Variants in YY1 observed in about 807,000 individuals in gnomAD.
The protein encoded by YY1 is transcriptional repressor protein YY1.
A neutral mutation model predicts 35.6 loss-of-function variants in YY1; 2 were observed. The ratio of observed to expected loss-of-function variants is 0.06; its 90% CI spans 0.02 to 0.18. YY1 has a LOEUF of 0.18. YY1 is among the 10% of genes least tolerant of loss of function. The probability of loss-of-function intolerance (pLI) is 1.00; values close to 1 mark genes in which losing one functional copy is unlikely to be tolerated. For missense variants in YY1, 322 were observed against 573.4 expected (o/e 0.56, Z 4.48); for synonymous variants, 268 against 238.9 (o/e 1.12, Z -1.12).
chr14:100,243,872 G>A (rs971543851), intron 1 of YY1, among the ~76,000 whole-genome samples: 1 of 151,944 alleles, frequency 6.6e-6, no homozygotes, highest in Non-Finnish European at 1.5e-5. Context: ...TTGGGAGGCC[G>A]AGGCGGGTGG....
intron 1 of YY1, among the ~76,000 whole-genome samples, chr14:100,260,424 A>AATATATAT (rs59427565): frequency 1.3e-4 from 19 of 141,310 alleles, no homozygotes; most frequent in African/African-American, 3.2e-4. Context: ...TGAATATATG[A>AATATATAT]ATATATATAT....
intron 2 of YY1, among the ~76,000 whole-genome samples, chr14:100,272,011 G>A (rs1004347658): frequency 6.6e-6 from 1 of 152,046 alleles, no homozygotes; most frequent in Non-Finnish European, 1.5e-5. Context: ...GAGAAAGGAC[G>A]AATATCTACA....
At chr14:100,270,382 A>G (rs8009371) in intron 2 of YY1, among the ~76,000 whole-genome samples, 97,867 of 148,396 alleles carry the variant, frequency 0.66, 32,766 homozygotes, top group South Asian at 0.81. Flanking sequence ...AGGCCGAGGT[A>G]GGTGGATCAC....
At position 100,276,360 on chromosome 14, in the gene YY1, A is replaced by ACCGTAATGTT; in HGVS notation, c.904-129_904-128insCGTAATGTTC. ...AATGATATTAATGTTCTACCGTAATACTAAGTAAAATTAAAATGGGGGGTT... is the reference window on the plus strand; with the variant it reads ...AATGATATTAATGTTCTACCGTAATACCGTAATGTTCTAAGTAAAATTAAAATGGGGGGTT... On this transcript the variant is annotated intron_variant, in intron 3 of 4. Coordinates refer to ENST00000262238, the MANE Select transcript of YY1 (RefSeq NM_003403.5). The surrounding 1 kb of genome is among the most constrained non-coding windows in gnomAD (Gnocchi z 4.1). 8.0e-7 allele frequency: 1 copy of ACCGTAATGTT among 1,251,572 alleles called. No homozygotes were observed. The highest frequency in any genetic ancestry group is 1.3e-5 in the South Asian group (1 of 79,440). 77.5% of individuals were successfully genotyped at this position (1,251,572 alleles called of 1,614,324 possible). A position where few individuals can be genotyped will look rare whatever the true frequency, so the allele number is the denominator to read the frequency against.
In YY1 at chr14:100,276,888, A is replaced by G. The variant is rs992910827; in HGVS notation, c.1062+240A>G. On this transcript the variant is annotated intron_variant, in intron 4 of 4. Coordinates refer to ENST00000262238, the MANE Select transcript of YY1 (RefSeq NM_003403.5). This position sits in a 1 kb window ranked among gnomAD's most constrained non-coding sequence, Gnocchi z 4.1. ...TATTGGTGTTGATGGAGTACACTTTATGGCAGGAGGAGAACAGGATTGAAG... is the reference window on the plus strand; with the variant it reads ...TATTGGTGTTGATGGAGTACACTTTGTGGCAGGAGGAGAACAGGATTGAAG... 1.4e-5 allele frequency: 8 copies of G among 566,008 alleles called. No individual in the cohort carries two copies. Among genetic ancestry groups the G allele is most frequent in the African/African-American group, 9.4e-5 (5 of 53,158 alleles). The allele number at this position is 566,008 out of a possible 1,614,324, so 35.1% of individuals were successfully genotyped here. A position where few individuals can be genotyped will look rare whatever the true frequency, so the allele number is the denominator to read the frequency against.
intron 1 of YY1, among the ~76,000 whole-genome samples, chr14:100,242,371 G>GT (rs1566767626): frequency 3.9e-5 from 2 of 51,466 alleles, no homozygotes; most frequent in Non-Finnish European, 7.7e-5. Context: ...GTTTTGTTTT[G>GT]TTTTTTGTTT....
At position 100,239,838 on chromosome 14, in the gene YY1, C is replaced by T. The variant is rs1336348164; in HGVS notation, c.594C>T (p.Ala198=). ...CCGGCGCGGCGGGCGGCGGCGGCGC[C>T]GACCCGGGCAACAAGAAGTGGGAGC... ...GGAGAAGGGG[A]DPGNKKWEQK... is the part of the protein sequence containing the mutation. Residue 198 remains alanine (A), a synonymous_variant, in exon 1 of 5, where the codon GCC becomes GCT. Coordinates refer to ENST00000262238, the MANE Select transcript of YY1 (RefSeq NM_003403.5). The T allele has an allele frequency of 4.7e-6, 7 of 1,492,072 alleles. No individual in the cohort carries two copies. In the African/African-American group the frequency reaches 5.9e-5, roughly 13 times the overall value. The allele number at this position is 1,492,072 out of a possible 1,614,324, so 92.4% of individuals were successfully genotyped here.
In YY1 at chr14:100,278,287, C is replaced by T. The variant is rs967706675; in HGVS notation, c.*687C>T. On this transcript the variant is annotated 3_prime_UTR_variant, in exon 5 of 5. Transcript: ENST00000262238. ...ATTTAATAGTGTTAATCAATTTAAA[C>T]CCATTTTAGTCACTTTTTTTTTCCA... is the stretch of plus-strand genomic sequence containing the variant. 2 of 152,250 alleles carry T rather than the reference C, an allele frequency of 1.3e-5. No individual in the cohort carries two copies. Among genetic ancestry groups the T allele is most frequent in the African/African-American group, 4.8e-5 (2 of 41,256 alleles). 9.4% of individuals were successfully genotyped at this position (152,250 alleles called of 1,614,324 possible).
chr14:100,270,733 A>G (rs1285828903), intron 2 of YY1, among the ~76,000 whole-genome samples: 2 of 152,348 alleles, frequency 1.3e-5, no homozygotes, highest in East Asian at 1.9e-4. Context: ...TGTATGTACT[A>G]TTCTGTGAAT....
chr14:100,247,222 A>G (rs1890846618), intron 1 of YY1, among the ~76,000 whole-genome samples: 1 of 152,200 alleles, frequency 6.6e-6, no homozygotes, highest in Non-Finnish European at 1.5e-5. Flanking sequence ...AAGGCTGGGA[A>G]ACTTAGGTTA....
intron 2 of YY1, among the ~76,000 whole-genome samples, chr14:100,272,677 T>A (rs1399367106): frequency 1.3e-5 from 2 of 151,928 alleles, no homozygotes; most frequent in African/African-American, 4.8e-5. Flanking sequence ...AAAATTTCAA[T>A]AGCTTTTGGT....
At chr14:100,254,940 ATT>A (rs35165026) in intron 1 of YY1, among the ~76,000 whole-genome samples, 33 of 29,582 alleles carry the variant, frequency 1.1e-3, no homozygotes, top group African/African-American at 1.9e-3. Context: ...CGCCCAGCTA[ATT>A]TTTTTTTTTT....
chr14:100,263,352 G>T (rs1891110694), intron 2 of YY1, among the ~76,000 whole-genome samples: 1 of 152,234 alleles, frequency 6.6e-6, no homozygotes, highest in Admixed American at 6.5e-5. Flanking sequence ...CTCCTGGTAT[G>T]TTAATTTAAG....
At position 100,248,121 on chromosome 14, in the gene YY1, C is replaced by CTTTTTCT. The variant is rs1555369346; in HGVS notation, c.679+8203_679+8204insCTTTTTT. Among the ~76,000 whole-genome samples the CTTTTTCT allele has an allele frequency of 1.0e-3, 123 of 117,630 alleles. 1 individual carries two copies. Among genetic ancestry groups the CTTTTTCT allele is most frequent in the African/African-American group, 4.1e-3 (120 of 29,130 alleles). The allele number at this position is 117,630 out of a possible 152,430, so 77.2% of individuals were successfully genotyped here. ...CACCACGCCCGGCTAATTTTTTTTTCTTTTTTTTTTTTTTGAGACAGTCTC... is the reference window on the plus strand; with the variant it reads ...CACCACGCCCGGCTAATTTTTTTTTCTTTTTCTTTTTTTTTTTTTTTGAGACAGTCTC... On this transcript the variant is annotated intron_variant, in intron 1 of 4. Coordinates refer to ENST00000262238, the MANE Select transcript of YY1 (RefSeq NM_003403.5).
chr14:100,255,781 T>A (rs1014661024), intron 1 of YY1, among the ~76,000 whole-genome samples: 3 of 152,238 alleles, frequency 2.0e-5, no homozygotes, highest in Non-Finnish European at 4.4e-5. Flanking sequence ...ACTTGGCACT[T>A]GATACGTCAC....
chr14:100,260,771 CTTTTTTTTTTTTTTTTTTTTTTTT>C lies in YY1; in HGVS notation c.680-1517_680-1494del, dbSNP rs71113254. Among the ~76,000 whole-genome samples, 135 of 42,570 alleles carry C rather than the reference CTTTTTTTTTTTTTTTTTTTTTTTT, an allele frequency of 3.2e-3. 1 individual carries two copies. Among genetic ancestry groups the C allele is most frequent in the Non-Finnish European group, 4.3e-3 (99 of 22,956 alleles). 27.9% of individuals were successfully genotyped at this position (42,570 alleles called of 152,430 possible). On this transcript the variant is annotated intron_variant, in intron 1 of 4. Transcript: ENST00000262238. Reference sequence around the variant, plus strand: ...CAGGTGTGAGCCACCGTGCCTGGTCCTTTTTTTTTTTTTTTTTTTTTTTTTTTTTTTTTTTTTTTGGAGGCAGAG... The same window carrying C: ...CAGGTGTGAGCCACCGTGCCTGGTCCTTTTTTTTTTTTTTTGGAGGCAGAG...
chr14:100,250,301 T>G (rs1041156234), intron 1 of YY1, among the ~76,000 whole-genome samples: 3 of 152,178 alleles, frequency 2.0e-5, no homozygotes, highest in East Asian at 3.8e-4. Context: ...AAGCAGTGAA[T>G]CGCAAATGTT....
intron 1 of YY1, among the ~76,000 whole-genome samples, chr14:100,251,369 C>G (rs115731817): frequency 6.6e-6 from 1 of 152,192 alleles, no homozygotes; most frequent in Admixed American, 6.5e-5. Flanking sequence ...ACCAGATTCT[C>G]CACTAAAGCT....
intron 2 of YY1, among the ~76,000 whole-genome samples, chr14:100,265,055 G>T (rs905181474): frequency 3.2e-4 from 49 of 152,128 alleles, no homozygotes; most frequent in African/African-American, 1.1e-3. Flanking sequence ...CCTCCAGCTT[G>T]GGTGACAGAG....
Sources: gnomAD v4.1 joint callset for allele counts (sites outside exome capture counted in the v4.1 genomes callset) on GRCh38, gnomAD v4.1.1 for gene constraint, Gnocchi (gnomAD v3.1) non-coding constraint, MANE v1.5 for transcripts, NCBI Gene and HGNC (gene_info 2026-07-23, HGNC 2026-07-21) for gene names.